CSMD3: variants seen among roughly 807,000 people sequenced by gnomAD.
The protein encoded by CSMD3 is CUB and sushi domain-containing protein 3.
A neutral mutation model predicts 435.2 loss-of-function variants in CSMD3; 177 were observed. That is an observed-to-expected ratio of 0.41 (90% CI 0.36 to 0.46). CSMD3 has a LOEUF of 0.46. Among genes scored for constraint, CSMD3 ranks in the 20% least tolerant of loss-of-function variants. The pLI is 0.34. For synonymous variants in CSMD3, 1,656 were observed against 1,520.5 expected (o/e 1.09, Z -2.07); for missense variants, 4,265 against 4,504.6 (o/e 0.95, Z 1.52).
At chr8:113,177,957 T>A (rs1048632378) in intron 3 of CSMD3, among the ~76,000 whole-genome samples, 1 of 151,890 alleles carries the variant, frequency 6.6e-6, no homozygotes, top group Admixed American at 6.6e-5. Flanking sequence ...TTTAAAGGGG[T>A]AGAGTTCAGT....
At chr8:112,707,485 GGA>G (rs1184125295) in intron 13 of CSMD3, among the ~76,000 whole-genome samples, 7 of 151,592 alleles carry the variant, frequency 4.6e-5, no homozygotes, top group African/African-American at 1.7e-4. Flanking sequence ...TGGTGCGGCG[GGA>G]GGGGGGTGGT....
At chr8:113,066,507 A>G (rs2088867074) in intron 5 of CSMD3, among the ~76,000 whole-genome samples, 2 of 152,174 alleles carry the variant, frequency 1.3e-5, no homozygotes, top group African/African-American at 4.8e-5. Flanking sequence ...TTTAGTTAGC[A>G]TAAGAGAATT....
chr8:112,517,501 A>G (rs577942700), intron 27 of CSMD3, among the ~76,000 whole-genome samples: 1 of 152,282 alleles, frequency 6.6e-6, no homozygotes, highest in Admixed American at 6.5e-5. Context: ...TACTGGGAAA[A>G]TATATTTGTT....
intron 3 of CSMD3, among the ~76,000 whole-genome samples, chr8:113,225,603 A>G (rs1280407724): frequency 6.6e-6 from 1 of 151,524 alleles, no homozygotes; most frequent in Non-Finnish European, 1.5e-5. Flanking sequence ...TACACTGACT[A>G]AACAAATGTG....
chr8:112,318,723 T>C (rs1822708673), intron 47 of CSMD3, 114 bp downstream of exon 47: 7 of 706,730 alleles, frequency 9.9e-6, no homozygotes, highest in Admixed American at 8.9e-5. Flanking sequence ...ATGTATAGCA[T>C]TGTTTCCAGT....
At position 112,595,889 on chromosome 8, in the gene CSMD3, C is replaced by T. The variant is rs1302273105; in HGVS notation, c.3716-8654G>A. 4.0e-4 allele frequency among the ~76,000 whole-genome samples: 52 copies of T among 129,060 alleles called. 1 individual carries two copies. The highest frequency in any genetic ancestry group is 1.0e-3 in the African/African-American group (34 of 32,518). The allele number at this position is 129,060 out of a possible 152,430, so 84.7% of individuals were successfully genotyped here. Reference sequence around the variant, plus strand: ...AGCGCTAAACATGGAAAGGAACAACCGGTACCAGCCGCTGCAAAATCATGC... The same window carrying T: ...AGCGCTAAACATGGAAAGGAACAACTGGTACCAGCCGCTGCAAAATCATGC... On this transcript the variant is annotated intron_variant, in intron 22 of 70. Coordinates refer to ENST00000297405, the MANE Select transcript of CSMD3 (RefSeq NM_198123.2).
chr8:112,773,692 T>A (rs549051104), intron 13 of CSMD3, among the ~76,000 whole-genome samples: 6 of 152,130 alleles, frequency 3.9e-5, no homozygotes, highest in Admixed American at 3.3e-4. Context: ...ATCTACCAGA[T>A]TTTTTAGAGC....
chr8:113,336,193 G>A (rs1403847319), intron 1 of CSMD3, among the ~76,000 whole-genome samples: 1 of 150,758 alleles, frequency 6.6e-6, no homozygotes, highest in African/African-American at 2.4e-5. Context: ...CCCTCTATTT[G>A]GCTGTTGATC....
chr8:113,033,582 T>TTTTGC (rs1345995592), intron 5 of CSMD3, among the ~76,000 whole-genome samples: 34 of 151,008 alleles, frequency 2.3e-4, no homozygotes, highest in Admixed American at 1.6e-3. Context: ...TTTTTTTTTT[T>TTTTGC]TTTTGCTTTT....
intron 32 of CSMD3, among the ~76,000 whole-genome samples, chr8:112,442,132 G>T (rs747088609): frequency 1.3e-5 from 2 of 152,154 alleles, no homozygotes; most frequent in Non-Finnish European, 2.9e-5. Context: ...GGCAAGAGAA[G>T]GAGCAAGAGA....
intron 4 of CSMD3, among the ~76,000 whole-genome samples, chr8:113,114,882 A>G (rs2090775779): frequency 6.6e-6 from 1 of 152,246 alleles, no homozygotes; most frequent in Admixed American, 6.5e-5. Flanking sequence ...TGCAAAAAGC[A>G]TCAAGTGGAT....
chr8:112,536,963 G>A (rs1345417447), intron 27 of CSMD3, among the ~76,000 whole-genome samples: 1 of 151,922 alleles, frequency 6.6e-6, no homozygotes, highest in African/African-American at 2.4e-5. Context: ...GGTGGGAATT[G>A]AACAATGAGA....
intron 32 of CSMD3, among the ~76,000 whole-genome samples, chr8:112,455,040 A>C (rs1168600311): frequency 2.6e-5 from 4 of 151,870 alleles, no homozygotes; most frequent in Non-Finnish European, 4.4e-5. Context: ...AAAAAAAAAA[A>C]AACCAACCAA....
intron 27 of CSMD3, among the ~76,000 whole-genome samples, chr8:112,536,012 A>G (rs1271464373): frequency 6.6e-6 from 1 of 152,140 alleles, no homozygotes; most frequent in African/African-American, 2.4e-5. Flanking sequence ...ACCTTATACA[A>G]AAATTAATTC....
rs142424277 is a variant in CSMD3, at chr8:112,342,095, T to C, written c.6443-409A>G. On this transcript the variant is annotated intron_variant, in intron 41 of 70. Transcript: ENST00000297405. The stretch of plus-strand genomic sequence containing the variant: ...TGAAAATAATTGCAAATTTGTAATA[T>C]AGATTTGTAACATAGATTCCACAAT... 2.1e-3 allele frequency among the ~76,000 whole-genome samples: 326 copies of C among 152,244 alleles called. 2 individuals are homozygous for C. The highest frequency in any genetic ancestry group is 4.6e-3 in the Admixed American group (70 of 15,274).
At position 112,392,314 on chromosome 8, in the gene CSMD3, C is replaced by CAAA. The variant is rs1200157495; in HGVS notation, c.5810-1529_5810-1527dup. 2.3e-3 allele frequency among the ~76,000 whole-genome samples: 189 copies of CAAA among 83,436 alleles called. 1 individual carries two copies. The highest frequency in any genetic ancestry group is 4.7e-3 in the East Asian group (13 of 2,762). The allele number at this position is 83,436 out of a possible 152,430, so 54.7% of individuals were successfully genotyped here. ...AAACGCAAAAACCAGGGCAATTACT[C>CAAA]AAAAAAAAAAAAAAAAAAAAAGATG... On this transcript the variant is annotated intron_variant, in intron 35 of 70. Transcript: ENST00000297405.
chr8:112,330,597 A>G (rs1320223906), intron 45 of CSMD3, among the ~76,000 whole-genome samples: 1 of 152,094 alleles, frequency 6.6e-6, no homozygotes, highest in African/African-American at 2.4e-5. Flanking sequence ...TAGAAACTAT[A>G]AAGAATACAT....
chr8:112,416,616 CAATT>C (rs1811939833), intron 32 of CSMD3, among the ~76,000 whole-genome samples: 1 of 152,108 alleles, frequency 6.6e-6, no homozygotes, highest in Non-Finnish European at 1.5e-5. Flanking sequence ...ACTGATTTAG[CAATT>C]AATTAACTTG....
intron 22 of CSMD3, among the ~76,000 whole-genome samples, chr8:112,609,807 G>T (rs914798002): frequency 6.6e-6 from 1 of 151,922 alleles, no homozygotes; most frequent in African/African-American, 2.4e-5. Flanking sequence ...ATATATATAT[G>T]GAATATTATT....
Sources: gnomAD v4.1 joint callset for allele counts (sites outside exome capture counted in the v4.1 genomes callset) on GRCh38, gnomAD v4.1.1 for gene constraint, MANE v1.5 for transcripts, NCBI Gene and HGNC (gene_info 2026-07-23, HGNC 2026-07-21) for gene names.